DSCAML1: variants seen among roughly 807,000 people sequenced by gnomAD.
DSCAML1 encodes cell adhesion molecule DSCAML1.
DSCAML1 carries 38 observed loss-of-function variants against 200.5 expected under a neutral mutation model. The ratio of observed to expected loss-of-function variants is 0.19; its 90% confidence interval spans 0.15 to 0.25. The LOEUF is 0.25. Ranked by LOEUF, DSCAML1 falls within the 10% of genes least tolerant of loss-of-function variation. The pLI is 1.00. For synonymous variants in DSCAML1, 1,215 were observed against 1,165.0 expected, an observed-to-expected ratio of 1.04 and a Z score of -0.87; for missense variants, 2,223 against 2,858.8, an observed-to-expected ratio of 0.78 and a Z score of 5.07.
intron 3 of DSCAML1, among the ~76,000 whole-genome samples, chr11:117,685,484 T>C (rs548637850): frequency 2.2e-4 from 34 of 151,796 alleles, no homozygotes; most frequent in Non-Finnish European, 4.1e-4. Flanking sequence ...CCAGGTAGAG[T>C]GATGGGGCAC....
chr11:117,673,999 C>T (rs890231845), intron 3 of DSCAML1, among the ~76,000 whole-genome samples: 4 of 152,234 alleles, frequency 2.6e-5, no homozygotes, highest in South Asian at 2.1e-4. Flanking sequence ...TTTCCTCAGA[C>T]GTCCACCTTT....
chr11:117,801,960 G>A (rs1238126617), upstream of DSCAML1: 1 of 152,240 alleles, frequency 6.6e-6, no homozygotes, highest in Non-Finnish European at 1.5e-5. Context: ...GAGGTTCCAT[G>A]TAGTCCGGAT....
At chr11:117,599,699 C>T (rs966616950) in intron 3 of DSCAML1, among the ~76,000 whole-genome samples, 1 of 152,226 alleles carries the variant, frequency 6.6e-6, no homozygotes, top group African/African-American at 2.4e-5. Flanking sequence ...GGATTCAACT[C>T]AGTAAGGGCT....
chr11:117,577,511 T>C (rs113313876), intron 3 of DSCAML1, among the ~76,000 whole-genome samples: 31 of 16,384 alleles, frequency 1.9e-3, no homozygotes, highest in Non-Finnish European at 3.9e-3. Flanking sequence ...CCTTCCCTCC[T>C]TCCTTCCTTC....
intron 3 of DSCAML1, among the ~76,000 whole-genome samples, chr11:117,608,986 G>A (rs1442854231): frequency 6.6e-6 from 1 of 151,294 alleles, no homozygotes; most frequent in African/African-American, 2.4e-5. Flanking sequence ...GGCCAACATG[G>A]TGAAACCCCA....
In DSCAML1 at chr11:117,516,480, G is replaced by T; in HGVS notation, c.1770C>A (p.His590Gln). 6.2e-7 allele frequency: 1 copy of T among 1,613,222 alleles called. No individual in the cohort carries two copies. The highest frequency in any genetic ancestry group is 1.7e-5 in the Admixed American group (1 of 60,010). Reference protein sequence around the residue: ...QPQLSISQSVHVAVKVPPLIQ... With the variant: ...QPQLSISQSVQVAVKVPPLIQ... ...AGGGAGGCCTACCTTTGACGGCTAC[G>T]TGAACGCTCTGGCTGATGGAGAGCT... The change falls in exon 8 of 33, where the codon CAC becomes CAA. Residue 590 changes from histidine (H) to glutamine (Q), a missense_variant. His to Gln is a conservative substitution (Grantham distance 24, BLOSUM62 0). Transcript: ENST00000651296. This position sits in a 1 kb window ranked among gnomAD's most constrained non-coding sequence, Gnocchi z 5.7.
chr11:117,775,491 T>G (rs1353221545), intron 3 of DSCAML1, among the ~76,000 whole-genome samples: 1 of 152,148 alleles, frequency 6.6e-6, no homozygotes, highest in Non-Finnish European at 1.5e-5. Context: ...GAGCTTCGAA[T>G]TCCCATCCTG....
chr11:117,772,862 G>C (rs1197571837), intron 3 of DSCAML1, among the ~76,000 whole-genome samples: 1 of 152,200 alleles, frequency 6.6e-6, no homozygotes, highest in Non-Finnish European at 1.5e-5. Flanking sequence ...AGAGAAGCAA[G>C]GGTGGGAGTC....
intron 3 of DSCAML1, among the ~76,000 whole-genome samples, chr11:117,749,204 G>C (rs946502991): frequency 9.9e-5 from 15 of 152,222 alleles, no homozygotes; most frequent in African/African-American, 3.1e-4. Flanking sequence ...GACGGGGCTT[G>C]AGCCGGGACG....
At position 117,437,369 on chromosome 11, in the gene DSCAML1, G is replaced by A; in HGVS notation, c.4473C>T (p.Ile1491=). 6.2e-7 allele frequency: 1 copy of A among 1,614,200 alleles called. No homozygotes were observed. The highest frequency in any genetic ancestry group is 8.5e-7 in the Non-Finnish European group (1 of 1,180,026). The change falls in exon 26 of 33, where the codon ATC becomes ATT. Residue 1491 remains isoleucine, a synonymous_variant. Transcript: ENST00000651296. The surrounding 1 kb of genome is among the most constrained non-coding windows in gnomAD (Gnocchi z 5.3). The stretch of plus-strand genomic sequence containing the variant: ...GGTTAAGCCGAGCATGCGTGGAGTT[G>A]ATGTGGGTGAAGAGGTGTTGGTCTT... ...FSKDQHLFTH[I]NSTHARLNLQ...
At chr11:117,477,571 C>A (rs569710316) in intron 14 of DSCAML1, among the ~76,000 whole-genome samples, 1 of 152,160 alleles carries the variant, frequency 6.6e-6, no homozygotes, top group Admixed American at 6.5e-5. Flanking sequence ...GCCTGCAAGT[C>A]CCACAGGACT....
Position 117,508,340 on chromosome 11 carries a change from C to T in DSCAML1, c.1784-2608G>A, listed in dbSNP as rs541142222. ...GGCTGTCGGGGTAACTGCATTACCC[C>T]CTCCCTGGGGTAACTCCCTATATAA... On this transcript the variant is annotated intron_variant, in intron 8 of 32. Transcript: ENST00000651296. Among the ~76,000 whole-genome samples, 5 of 152,248 alleles carry T rather than the reference C, an allele frequency of 3.3e-5. No homozygotes were observed. The East Asian group carries it at 9.6e-4, about 29-fold the overall frequency.
At chr11:117,649,126 G>C (rs1032552851) in intron 3 of DSCAML1, among the ~76,000 whole-genome samples, 1 of 151,132 alleles carries the variant, frequency 6.6e-6, no homozygotes, top group Non-Finnish European at 1.5e-5. Flanking sequence ...ACCCAGGCTT[G>C]AGTGCAATGG....
chr11:117,667,373 C>T (rs1466634549), intron 3 of DSCAML1, among the ~76,000 whole-genome samples: 1 of 152,240 alleles, frequency 6.6e-6, no homozygotes, highest in Non-Finnish European at 1.5e-5. Context: ...GATGGCACCA[C>T]TGCACTCCAG....
At position 117,465,191 on chromosome 11, in the gene DSCAML1, A is replaced by G. The variant is rs1324508395; in HGVS notation, c.3025-9T>C. On this transcript the variant is annotated splice_polypyrimidine_tract_variant and intron_variant, in intron 16 of 32. Coordinates refer to ENST00000651296, the MANE Select transcript of DSCAML1 (RefSeq NM_020693.4). ...AGCTCCTTCTTGGGTGCCTGTGAGC[A>G]TGGGGTGGGGGTGGGCACAAAGAAA... 6 of 1,220,310 alleles carry G rather than the reference A, an allele frequency of 4.9e-6. No homozygotes were observed. The South Asian group carries it at 6.0e-5, about 12-fold the overall frequency. The allele number at this position is 1,220,310 out of a possible 1,614,324, so 75.6% of individuals were successfully genotyped here.
chr11:117,688,470 C>T (rs2053442835), intron 3 of DSCAML1, among the ~76,000 whole-genome samples: 2 of 152,354 alleles, frequency 1.3e-5, no homozygotes, highest in Admixed American at 6.5e-5. Flanking sequence ...CTCAGCCCAA[C>T]ATCATCCAGG....
chr11:117,782,280 G>A (rs78175126), intron 1 of DSCAML1, among the ~76,000 whole-genome samples: 6,610 of 152,254 alleles, frequency 0.043, 450 homozygotes, highest in African/African-American at 0.15. Flanking sequence ...ATTGGTCAGA[G>A]CAATTCACAT....
intron 3 of DSCAML1, among the ~76,000 whole-genome samples, chr11:117,761,267 C>T (rs562313835): frequency 4.3e-4 from 66 of 152,144 alleles, no homozygotes; most frequent in African/African-American, 1.5e-3. Flanking sequence ...TGAGGCCTCA[C>T]ACATGGACAC....
intron 3 of DSCAML1, among the ~76,000 whole-genome samples, chr11:117,737,964 G>T (rs1437790335): frequency 6.6e-6 from 1 of 152,184 alleles, no homozygotes; most frequent in Non-Finnish European, 1.5e-5. Context: ...GCAGTGATAT[G>T]ATCAGATCTC....
Sources: allele counts gnomAD v4.1 joint callset (sites outside exome capture counted in the v4.1 genomes callset), GRCh38; gene constraint gnomAD v4.1.1; non-coding constraint Gnocchi (gnomAD v3.1); transcripts MANE v1.5; gene names NCBI Gene and HGNC (gene_info 2026-07-23, HGNC 2026-07-21).